Variants in CACNA2D2 observed in about 807,000 individuals in gnomAD.
CACNA2D2 encodes calcium voltage-gated channel auxiliary subunit alpha2delta 2.
In CACNA2D2, 48 loss-of-function variants were observed where a neutral mutation model predicts 166.4. The ratio of observed to expected loss-of-function variants is 0.29; its 90% CI spans 0.23 to 0.37. The LOEUF (loss-of-function observed/expected upper bound fraction) is 0.37, where lower values mean the gene tolerates loss of function less well. Ranked by LOEUF, CACNA2D2 falls within the 10% of genes least tolerant of loss-of-function variation. The pLI, the probability that CACNA2D2 is intolerant of heterozygous loss-of-function variation, is 1.00. For synonymous variants in CACNA2D2, 561 were observed against 573.7 expected (o/e 0.98, Z 0.32); for missense variants, 1,122 against 1,433.0 (o/e 0.78, Z 3.50).
chr3:50,427,184 C>T lies in CACNA2D2; in HGVS notation c.405+7129G>A, dbSNP rs1707843427. On this transcript the variant is annotated intron_variant, in intron 3 of 37. Coordinates refer to ENST00000424201, the MANE Select transcript of CACNA2D2 (RefSeq NM_006030.4). This position sits in a 1 kb window ranked among gnomAD's most constrained non-coding sequence, Gnocchi z 4.7. Reference sequence around the variant, plus strand: ...TCCCATTCCTTGGTGGTCGCTCTGCCACCGCATGCTCCCTGGTTTCTCCTA... The same window carrying T: ...TCCCATTCCTTGGTGGTCGCTCTGCTACCGCATGCTCCCTGGTTTCTCCTA... Among the ~76,000 whole-genome samples, 1 of 152,216 alleles carries T rather than the reference C, an allele frequency of 6.6e-6. No homozygotes were observed. The highest frequency in any genetic ancestry group is 2.4e-5 in the African/African-American group (1 of 41,470).
chr3:50,384,187 C>T lies in CACNA2D2; in HGVS notation c.652+9G>A. ...GGGATGGGCTGTCCCGATTGCTCTG[C>T]ACACTCACAGCCTTTGTAGATGTCC... is the stretch of plus-strand genomic sequence containing the variant. On this transcript the variant is annotated intron_variant, in intron 6 of 37. Coordinates refer to ENST00000424201, the MANE Select transcript of CACNA2D2 (RefSeq NM_006030.4). The T allele has an allele frequency of 1.2e-6, 2 of 1,613,582 alleles. No homozygotes were observed. Among genetic ancestry groups the T allele is most frequent in the Non-Finnish European group, 1.7e-6 (2 of 1,179,642 alleles).
chr3:50,411,768 T>C (rs1707031143), intron 3 of CACNA2D2, among the ~76,000 whole-genome samples: 1 of 152,156 alleles, frequency 6.6e-6, no homozygotes, highest in Non-Finnish European at 1.5e-5. Context: ...CAGCCTGAGA[T>C]GGTCACACCT....
intron 1 of CACNA2D2, among the ~76,000 whole-genome samples, chr3:50,489,616 A>ACTGGGGCTGGGGCTGGGG (rs57886892): frequency 4.4e-5 from 6 of 135,636 alleles, no homozygotes; most frequent in Admixed American, 1.5e-4. Context: ...AGCCTCCAAA[A>ACTGGGGCTGGGGCTGGGG]CTGGGGCTGG....
At chr3:50,452,739 C>T (rs1294683932) in intron 2 of CACNA2D2, among the ~76,000 whole-genome samples, 1 of 152,192 alleles carries the variant, frequency 6.6e-6, no homozygotes, top group African/African-American at 2.4e-5. Context: ...CAACCAGAGG[C>T]AGAAAAGCAC....
chr3:50,468,608 G>A (rs1345827408), intron 2 of CACNA2D2, among the ~76,000 whole-genome samples: 1 of 152,022 alleles, frequency 6.6e-6, no homozygotes, highest in Non-Finnish European at 1.5e-5. Flanking sequence ...TGGCCACTGA[G>A]ATTGTCTCTT....
Position 50,379,375 on chromosome 3 carries a change from A to T in CACNA2D2, c.1152+57T>A. On this transcript the variant is annotated intron_variant, in intron 11 of 37. Coordinates refer to ENST00000424201, the MANE Select transcript of CACNA2D2 (RefSeq NM_006030.4). The surrounding 1 kb of genome is among the most constrained non-coding windows in gnomAD (Gnocchi z 6.5). ...CCATCCGTCTTGATTTCCTGGGTAC[A>T]CCAAGCCAGGGCCCTCTACTCCCCC... 6.3e-7 allele frequency: 1 copy of T among 1,594,656 alleles called. No homozygotes were observed. Among genetic ancestry groups the T allele is most frequent in the Non-Finnish European group, 8.6e-7 (1 of 1,167,436 alleles).
chr3:50,367,688 C>T lies in CACNA2D2; in HGVS notation c.2251G>A (p.Val751Met), dbSNP rs937643721. The T allele has an allele frequency of 1.1e-5, 17 of 1,612,150 alleles. No individual in the cohort carries two copies. The highest frequency in any genetic ancestry group is 6.7e-5 in the Admixed American group (4 of 59,936). ...QDLNTYSLLA[V>M]FAATDGGITR... ...ATGCCACCGTCTGTGGCAGCGAACACGGCCAGTAGGCTGTACCTGGGGGTA... is the reference window on the plus strand; with the variant it reads ...ATGCCACCGTCTGTGGCAGCGAACATGGCCAGTAGGCTGTACCTGGGGGTA... The change falls in exon 26 of 38, where the codon GTG (valine) becomes ATG (methionine). Residue 751 changes from valine (V) to methionine (M), a missense_variant. Transcript: ENST00000424201. This position sits in a 1 kb window ranked among gnomAD's most constrained non-coding sequence, Gnocchi z 6.5.
At chr3:50,475,918 C>A (rs963683145) in intron 2 of CACNA2D2, among the ~76,000 whole-genome samples, 200 bp downstream of exon 2, 1 of 152,326 alleles carries the variant, frequency 6.6e-6, no homozygotes. Context: ...TGGCTCCGAT[C>A]GTTGCCTCAG....
intron 5 of CACNA2D2, 92 bp from the exon 6 acceptor site, chr3:50,384,429 TC>T: frequency 7.0e-7 from 1 of 1,431,238 alleles, no homozygotes; most frequent in Non-Finnish European, 9.7e-7. Context: ...AGGGCCAGAG[TC>T]CAGGAGATAG....
At chr3:50,467,153 A>ACT (rs1303958017) in intron 2 of CACNA2D2, among the ~76,000 whole-genome samples, 1 of 152,012 alleles carries the variant, frequency 6.6e-6, no homozygotes, top group Admixed American at 6.5e-5. Context: ...CCTTCAAGTC[A>ACT]CTCTAGGAAT....
At chr3:50,455,992 C>G (rs1185098257) in intron 2 of CACNA2D2, among the ~76,000 whole-genome samples, 1 of 152,184 alleles carries the variant, frequency 6.6e-6, no homozygotes, top group African/African-American at 2.4e-5. Context: ...CCCACAGCCT[C>G]TGAGGAGGGC....
rs1303287024 is a variant in CACNA2D2 at position 50,381,044 on chromosome 3, C to G, written c.735G>C (p.Leu245=). 6.2e-7 allele frequency: 1 copy of G among 1,613,726 alleles called. No homozygotes were observed. The highest frequency in any genetic ancestry group is 8.5e-7 in the Non-Finnish European group (1 of 1,179,880). Residue 245 remains leucine, a synonymous_variant, in exon 7 of 38, where the codon CTG becomes CTC. Coordinates refer to ENST00000424201, the MANE Select transcript of CACNA2D2 (RefSeq NM_006030.4). ...TGGCGCTGCCGAAGACCTGCCACAGCAGTGTGGGGTCTTGTCTGCGGTTTT... is the reference window on the plus strand; with the variant it reads ...TGGCGCTGCCGAAGACCTGCCACAGGAGTGTGGGGTCTTGTCTGCGGTTTT... ...FMENRRQDPT[L]LWQVFGSATG... is the part of the protein sequence containing the mutation.
rs1322630944 is a variant in CACNA2D2, at chr3:50,376,281, C to T, written c.1627-93G>A. 11 of 1,309,684 alleles carry T rather than the reference C, an allele frequency of 8.4e-6. No individual in the cohort carries two copies. The highest frequency in any genetic ancestry group is 4.9e-5 in the East Asian group (2 of 40,938). The allele number at this position is 1,309,684 out of a possible 1,614,324, so 81.1% of individuals were successfully genotyped here. A position where few individuals can be genotyped will look rare whatever the true frequency, so the allele number is the denominator to read the frequency against. The stretch of plus-strand genomic sequence containing the variant: ...TTCCCTATTTGGCCTCCCACCGCAC[C>T]GAGAGATTCTGTTTGCCTGCCTTGG... On this transcript the variant is annotated intron_variant, in intron 17 of 37. Transcript: ENST00000424201. This position sits in a 1 kb window ranked among gnomAD's most constrained non-coding sequence, Gnocchi z 4.3.
Position 50,365,382 on chromosome 3 carries a change from G to A in CACNA2D2, c.3072C>T (p.Ala1024=), listed in dbSNP as rs1575579830. The change falls in exon 35 of 38, where the codon GCC becomes GCT. Residue 1024 remains alanine (A), a synonymous_variant. Transcript: ENST00000424201. This position sits in a 1 kb window ranked among gnomAD's most constrained non-coding sequence, Gnocchi z 4.5. ...YFGSVNASYN[A]IIDCGNCSRL... ...TGGAGCAGTTTCCGCAGTCGATGAT[G>A]GCGTTGTAGGAGGCGTTTACCGAGC... 1 of 1,613,550 alleles carries A rather than the reference G, an allele frequency of 6.2e-7. No homozygotes were observed.
intron 3 of CACNA2D2, among the ~76,000 whole-genome samples, chr3:50,415,139 C>G (rs374212897): frequency 2.6e-5 from 4 of 152,202 alleles, no homozygotes; most frequent in East Asian, 3.9e-4. Context: ...TGGTGGGACA[C>G]TGACGGCCAA....
At chr3:50,491,451 C>A (rs1698517260) in intron 1 of CACNA2D2, among the ~76,000 whole-genome samples, 1 of 152,180 alleles carries the variant, frequency 6.6e-6, no homozygotes, top group Non-Finnish European at 1.5e-5. Context: ...CCTGCGCCAG[C>A]CAAGGTGTGG....
At chr3:50,497,680 T>C (rs1454937157) in intron 1 of CACNA2D2, among the ~76,000 whole-genome samples, 2 of 152,234 alleles carry the variant, frequency 1.3e-5, no homozygotes, top group Admixed American at 6.5e-5. Context: ...TCTTGACTCC[T>C]TTAGGGAGGC....
At chr3:50,389,524 G>C (rs771017863) in intron 4 of CACNA2D2, among the ~76,000 whole-genome samples, 20 of 152,310 alleles carry the variant, frequency 1.3e-4, no homozygotes, top group Non-Finnish European at 2.4e-4. Flanking sequence ...GGACACAGGT[G>C]GGGGCTGGTC....
chr3:50,432,456 C>T (rs1708117846), intron 3 of CACNA2D2, among the ~76,000 whole-genome samples: 1 of 152,138 alleles, frequency 6.6e-6, no homozygotes, highest in African/African-American at 2.4e-5. Flanking sequence ...GGACAGGGGG[C>T]AGCAAAGCTA....
Sources: gnomAD v4.1 joint callset for allele counts (sites outside exome capture counted in the v4.1 genomes callset) on GRCh38, gnomAD v4.1.1 for gene constraint, Gnocchi (gnomAD v3.1) non-coding constraint, MANE v1.5 for transcripts, NCBI Gene and HGNC (gene_info 2026-07-23, HGNC 2026-07-21) for gene names.